The following ITGA5 variants were observed in gnomAD, a reference collection of about 807,000 sequenced individuals.
The protein encoded by ITGA5 is integrin alpha-5.
ITGA5 carries 55 observed loss-of-function variants against 146.3 expected under a neutral mutation model. That is an observed-to-expected ratio of 0.38 (90% CI 0.30 to 0.47). ITGA5 has a LOEUF of 0.47. Among genes scored for constraint, ITGA5 ranks in the 20% least tolerant of loss-of-function variants. The probability of loss-of-function intolerance (pLI) is 0.99; values close to 1 mark genes in which losing one functional copy is unlikely to be tolerated. For missense variants in ITGA5, 1,131 were observed against 1,329.0 expected (o/e 0.85, Z 2.32); for synonymous variants, 500 against 531.8 (o/e 0.94, Z 0.82).
Position 54,409,299 on chromosome 12 carries a change from G to A in ITGA5, c.516C>T (p.Pro172=), listed in dbSNP as rs1008254774. The A allele has an allele frequency of 6.2e-6, 10 of 1,613,850 alleles. No homozygotes were observed. Among genetic ancestry groups the A allele is most frequent in the East Asian group, 4.5e-5 (2 of 44,900 alleles). Residue 172 remains proline, a synonymous_variant, in exon 4 of 30, where the codon CCC becomes CCT. Transcript: ENST00000293379. This position sits in a 1 kb window ranked among gnomAD's most constrained non-coding sequence, Gnocchi z 4.7. ...CTGTGGAGAGGTAGCAGGTGCCCACGGGGTCGCTCAGTGGCTCCTTCTCTG... is the reference window on the plus strand; with the variant it reads ...CTGTGGAGAGGTAGCAGGTGCCCACAGGGTCGCTCAGTGGCTCCTTCTCTG... ...WRTEKEPLSD[P]VGTCYLSTDN...
At chr12:54,398,827 CTCTCTCTCTT>C in intron 27 of ITGA5, 129 bp from the exon 28 acceptor site, 1 of 482,922 alleles carries the variant, frequency 2.1e-6, no homozygotes, top group Non-Finnish European at 3.6e-6. Context: ...CTCTCTCTCT[CTCTCTCTCTT>C]TTTTTTTTTT....
At position 54,408,922 on chromosome 12, in the gene ITGA5, G is replaced by C; in HGVS notation, c.616C>G (p.Gln206Glu). The change falls in exon 5 of 30, where the codon CAA becomes GAA. Residue 206 changes from glutamine to glutamate, a missense_variant. Gln to Glu is a conservative substitution (Grantham distance 29, BLOSUM62 2). This residue lies in a region of ITGA5 where 67 missense variants were observed against 128.2 expected (regional missense o/e 0.52). Coordinates refer to ENST00000293379, the MANE Select transcript of ITGA5 (RefSeq NM_002205.5). ...FSWAAGQGYC[Q>E]GGFSAEFTKT... Reference sequence around the variant, plus strand: ...GTGAACTCGGCACTGAAGCCTCCTTGGCAGTAACCCTGTCCTGCTGCCCAG... The same window carrying C: ...GTGAACTCGGCACTGAAGCCTCCTTCGCAGTAACCCTGTCCTGCTGCCCAG... 6.2e-7 allele frequency: 1 copy of C among 1,614,050 alleles called. No individual in the cohort carries two copies. The highest frequency in any genetic ancestry group is 8.5e-7 in the Non-Finnish European group (1 of 1,180,012).
At chr12:54,406,170 T>C (rs933558126) in intron 9 of ITGA5, 1 of 577,336 alleles carries the variant, frequency 1.7e-6, no homozygotes, top group African/African-American at 1.9e-5. Context: ...TATTTATCTG[T>C]TCGTTGTCCC....
chr12:54,396,361 G>A lies in ITGA5; in HGVS notation c.3082C>T (p.Arg1028Cys), dbSNP rs773995957. Residue 1028 changes from arginine (R) to cysteine (C), a missense_variant, in exon 30 of 30, where the codon CGC (arginine) becomes TGC (cysteine). By Grantham distance (180) the Arg-to-Cys change is radical. This residue lies in a region of ITGA5 where 889 missense variants were observed against 1,021.5 expected (regional missense o/e 0.87). Transcript: ENST00000293379. Reference protein sequence around the residue: ...YILYKLGFFKRSLPYGTAMEK... With the variant: ...YILYKLGFFKCSLPYGTAMEK... ...ATGGCGGTGCCATATGGGAGGGAGC[G>A]TTTGAAGAATCCAAGCTGATAAAGG... is the stretch of plus-strand genomic sequence containing the variant. 9.3e-6 allele frequency: 15 copies of A among 1,613,786 alleles called. No individual in the cohort carries two copies. Among genetic ancestry groups the A allele is most frequent in the African/African-American group, 1.3e-5 (1 of 74,910 alleles).
Position 54,403,507 on chromosome 12 carries a change from C to G in ITGA5, c.1776+118G>C. The G allele has an allele frequency of 2.2e-6, 3 of 1,336,804 alleles. No individual in the cohort carries two copies. The highest frequency in any genetic ancestry group is 1.5e-5 in the African/African-American group (1 of 68,482). The allele number at this position is 1,336,804 out of a possible 1,614,324, so 82.8% of individuals were successfully genotyped here. On this transcript the variant is annotated intron_variant, in intron 17 of 29. Transcript: ENST00000293379. The surrounding 1 kb of genome is among the most constrained non-coding windows in gnomAD (Gnocchi z 4.9). The stretch of plus-strand genomic sequence containing the variant: ...ACAGAAGGTCTCCCTTTCTCAGCCC[C>G]TACAAGAGTCCCAAGCCCTTCACTG...
At chr12:54,410,266 A>G (rs1485232894) in intron 2 of ITGA5, among the ~76,000 whole-genome samples, 10 of 151,134 alleles carry the variant, frequency 6.6e-5, no homozygotes, top group East Asian at 1.9e-4. Context: ...AACAGTGGCT[A>G]TTTCCCAAGA....
At chr12:54,398,835 CTTTTTTTT>C (rs34443272) in intron 27 of ITGA5, 137 bp from the exon 28 acceptor site, 22 of 220,514 alleles carry the variant, frequency 1.0e-4, no homozygotes, top group Non-Finnish European at 1.1e-4. Context: ...CTCTCTCTCT[CTTTTTTTT>C]TTTTTTTTTT....
At position 54,403,585 on chromosome 12, in the gene ITGA5, C is replaced by G. The variant is rs754639515; in HGVS notation, c.1776+40G>C. ...AGGTGCCCTCAGTTCTGTGTGGCCACCCTCCCTGGCCAGTCCACACCCCGC... is the reference window on the plus strand; with the variant it reads ...AGGTGCCCTCAGTTCTGTGTGGCCAGCCTCCCTGGCCAGTCCACACCCCGC... On this transcript the variant is annotated intron_variant, in intron 17 of 29. Coordinates refer to ENST00000293379, the MANE Select transcript of ITGA5 (RefSeq NM_002205.5). This position sits in a 1 kb window ranked among gnomAD's most constrained non-coding sequence, Gnocchi z 4.9. The G allele has an allele frequency of 2.3e-5, 36 of 1,583,890 alleles. No individual in the cohort carries two copies. The highest frequency in any genetic ancestry group is 3.1e-5 in the Non-Finnish European group (36 of 1,162,264).
chr12:54,416,281 G>T lies in ITGA5; in HGVS notation c.218+2700C>A, dbSNP rs1417624473. On this transcript the variant is annotated intron_variant, in intron 1 of 29. Coordinates refer to ENST00000293379, the MANE Select transcript of ITGA5 (RefSeq NM_002205.5). The surrounding 1 kb of genome is among the most constrained non-coding windows in gnomAD (Gnocchi z 4.1). ...GATGGGGTTTCACCATGTTGGCCAG[G>T]CTGGTCTCGAACTCCTGACCTCAGG... Among the ~76,000 whole-genome samples the T allele has an allele frequency of 6.6e-6, 1 of 152,140 alleles. No individual in the cohort carries two copies. The highest frequency in any genetic ancestry group is 1.5e-5 in the Non-Finnish European group (1 of 68,030).
Position 54,402,083 on chromosome 12 carries a change from C to T in ITGA5, c.2144G>A (p.Ser715Asn). ...GLVRHPGNFSSLSCDYFAVNQ... is the reference protein window; with the variant it reads ...GLVRHPGNFSNLSCDYFAVNQ... Reference sequence around the variant, plus strand: ...CACGGCAAAGTAGTCACAGCTCAGGCTGGAGAAGTTCTGGAGATGGGGTGG... The same window carrying T: ...CACGGCAAAGTAGTCACAGCTCAGGTTGGAGAAGTTCTGGAGATGGGGTGG... The change falls in exon 21 of 30, where the codon AGC (serine) becomes AAC (asparagine). Residue 715 changes from serine (S) to asparagine (N), a missense_variant. Around this residue, in one of 3 missense-constraint regions of ITGA5, gnomAD observed 889 missense variants for 1,021.5 expected, o/e 0.87. Coordinates refer to ENST00000293379, the MANE Select transcript of ITGA5 (RefSeq NM_002205.5). The T allele has an allele frequency of 6.2e-7, 1 of 1,614,174 alleles. No individual in the cohort carries two copies. The highest frequency in any genetic ancestry group is 8.5e-7 in the Non-Finnish European group (1 of 1,180,036).
At chr12:54,404,574 A>G (rs1040570926) in intron 13 of ITGA5, 99 bp from the exon 14 acceptor site, 50 of 1,511,030 alleles carry the variant, frequency 3.3e-5, no homozygotes, top group South Asian at 1.9e-4. Flanking sequence ...GGTTGAAGTG[A>G]GAAGACAGCG....
rs751210140 is a variant in ITGA5, at chr12:54,419,164, G to A, written c.35C>T (p.Ala12Val). 4.4e-6 allele frequency: 7 copies of A among 1,582,364 alleles called. No individual in the cohort carries two copies. In the Admixed American group the frequency reaches 1.3e-4, roughly 29 times the overall value. The change falls in exon 1 of 30, where the codon GCC (alanine) becomes GTC (valine). Residue 12 changes from alanine to valine, a missense_variant. This residue lies in a region of ITGA5 where 175 missense variants were observed against 179.3 expected (regional missense o/e 0.98). Transcript: ENST00000293379. The part of the protein sequence containing the change: ...GSRTPESPLH[A>V]VQLRWGPRRR... ...CCGGGGGCCCCAGCGCAGCTGCACG[G>A]CGTGGAGAGGGGACTCTGGCGTCCG...
intron 10 of ITGA5, 36 bp from the exon 11 acceptor site, chr12:54,405,752 T>C: frequency 6.2e-7 from 1 of 1,611,624 alleles, no homozygotes; most frequent in Non-Finnish European, 8.5e-7. Context: ...GGGTCAGAAC[T>C]AGAAGGTTCA....
In ITGA5 at chr12:54,407,592, G is replaced by A. The variant is rs73322233; in HGVS notation, c.906+57C>T. 315 of 1,453,052 alleles carry A rather than the reference G, an allele frequency of 2.2e-4. 1 individual carries two copies. In the African/African-American group the frequency reaches 3.5e-3, roughly 16 times the overall value. 90.0% of individuals were successfully genotyped at this position (1,453,052 alleles called of 1,614,324 possible). A position where few individuals can be genotyped will look rare whatever the true frequency, so the allele number is the denominator to read the frequency against. On this transcript the variant is annotated intron_variant, in intron 9 of 29. Coordinates refer to ENST00000293379, the MANE Select transcript of ITGA5 (RefSeq NM_002205.5). The stretch of plus-strand genomic sequence containing the variant: ...TGAGCCCTTGCAAACTGCCATGCAC[G>A]GTTCTTTGTGATTAGGCAGGGGAGG...
chr12:54,410,715 T>C (rs1592291675), intron 2 of ITGA5, among the ~76,000 whole-genome samples: 1 of 151,022 alleles, frequency 6.6e-6, no homozygotes, highest in South Asian at 2.1e-4. Context: ...CTCACCACTA[T>C]GCCTGGCTAA....
Position 54,408,853 on chromosome 12 carries a change from C to T in ITGA5, c.645+40G>A, listed in dbSNP as rs781514056. ...CATCTGGTCCCAATCCCCCCATGTCCACCACCCACGGCCCCTTCTCTCCCA... is the reference window on the plus strand; with the variant it reads ...CATCTGGTCCCAATCCCCCCATGTCTACCACCCACGGCCCCTTCTCTCCCA... On this transcript the variant is annotated intron_variant, in intron 5 of 29. Transcript: ENST00000293379. The T allele has an allele frequency of 2.8e-5, 45 of 1,613,414 alleles. No individual in the cohort carries two copies. In the South Asian group the frequency reaches 4.0e-4, roughly 14 times the overall value.
Position 54,399,921 on chromosome 12 carries a change from G to T in ITGA5, c.2670C>A (p.His890Gln). 1.2e-6 allele frequency: 2 copies of T among 1,614,086 alleles called. No homozygotes were observed. The highest frequency in any genetic ancestry group is 2.2e-5 in the South Asian group (2 of 91,084). ...GGCTTGGAGCTTCCCGTTTTTGCTG[G>T]TGGTGCAGGGAACCCTCGGGATCCA... is the stretch of plus-strand genomic sequence containing the variant. The part of the protein sequence containing the change: ...LELDPEGSLH[H>Q]QQKREAPSRS... The change falls in exon 26 of 30, where the codon CAC (histidine) becomes CAA (glutamine). Residue 890 changes from histidine (H) to glutamine (Q), a missense_variant. By Grantham distance (24) the His-to-Gln change is conservative. Around this residue, in one of 3 missense-constraint regions of ITGA5, gnomAD observed 889 missense variants for 1,021.5 expected, o/e 0.87. Coordinates refer to ENST00000293379, the MANE Select transcript of ITGA5 (RefSeq NM_002205.5).
Position 54,399,752 on chromosome 12 carries a change from G to T in ITGA5, c.2734C>A (p.Pro912Thr). ...ASSGPQILKCPEAECFRLRCE... is the reference protein window; with the variant it reads ...ASSGPQILKCTEAECFRLRCE... ...CGCAGCCTGAAACACTCAGCCTCCGGGCATTTCTAGGAAGAAAGAAGCTTG... is the reference window on the plus strand; with the variant it reads ...CGCAGCCTGAAACACTCAGCCTCCGTGCATTTCTAGGAAGAAAGAAGCTTG... Residue 912 changes from proline (P) to threonine (T), a missense_variant, in exon 27 of 30, where the codon CCG (proline) becomes ACG (threonine). This residue lies in a region of ITGA5 where 889 missense variants were observed against 1,021.5 expected (regional missense o/e 0.87). Coordinates refer to ENST00000293379, the MANE Select transcript of ITGA5 (RefSeq NM_002205.5). The T allele has an allele frequency of 6.2e-7, 1 of 1,614,104 alleles. No homozygotes were observed. The highest frequency in any genetic ancestry group is 1.3e-5 in the African/African-American group (1 of 75,046).
chr12:54,405,471 C>G (rs1176799337), intron 11 of ITGA5, 97 bp from the exon 12 acceptor site: 2 of 1,113,666 alleles, frequency 1.8e-6, no homozygotes, highest in South Asian at 1.5e-5. Context: ...AATTCCATCA[C>G]GTCAGAAGAC....
Sources: allele counts gnomAD v4.1 joint callset (sites outside exome capture counted in the v4.1 genomes callset), GRCh38; gene constraint gnomAD v4.1.1; regional missense constraint gnomAD v4.1.1; non-coding constraint Gnocchi (gnomAD v3.1); transcripts MANE v1.5; gene names NCBI Gene and HGNC (gene_info 2026-07-23, HGNC 2026-07-21).